Variants in CHCHD6 observed in about 807,000 individuals in gnomAD.
CHCHD6 encodes coiled-coil-helix-coiled-coil-helix domain containing 6, also known as MICOS complex subunit MIC25.
A neutral mutation model predicts 32.3 loss-of-function variants in CHCHD6; 28 were observed. That is an observed-to-expected ratio of 0.87 (90% CI 0.64 to 1.19). The LOEUF (loss-of-function observed/expected upper bound fraction) is 1.19. CHCHD6 is among the 50% of genes most tolerant of loss of function. The probability of loss-of-function intolerance (pLI) is 0.00; values close to 1 mark genes in which losing one functional copy is unlikely to be tolerated. For synonymous variants in CHCHD6, 122 were observed against 117.5 expected, an observed-to-expected ratio of 1.04 and a Z score of -0.25; for missense variants, 333 against 307.0, an observed-to-expected ratio of 1.08 and a Z score of -0.63.
At chr3:126,837,376 C>G (rs1940902796) in intron 4 of CHCHD6, among the ~76,000 whole-genome samples, 1 of 152,106 alleles carries the variant, frequency 6.6e-6, no homozygotes, top group Non-Finnish European at 1.5e-5. Flanking sequence ...CCAGCCTAGG[C>G]AACATAGTGA....
At chr3:126,819,127 A>G (rs1576454739) in intron 4 of CHCHD6, among the ~76,000 whole-genome samples, 2 of 152,180 alleles carry the variant, frequency 1.3e-5, no homozygotes, top group Admixed American at 1.3e-4. Context: ...AACTCCTGCC[A>G]CACTGCTTCA....
At chr3:126,960,162 G>T in intron 7 of CHCHD6, 34 bp from the exon 8 acceptor site, 2 of 1,551,336 alleles carry the variant, frequency 1.3e-6, no homozygotes, top group Admixed American at 2.0e-5. Context: ...GGCGGAGTGG[G>T]CCCTGACTCA....
At chr3:126,878,191 A>C (rs1312167580) in intron 5 of CHCHD6, among the ~76,000 whole-genome samples, 1 of 152,210 alleles carries the variant, frequency 6.6e-6, no homozygotes, top group Non-Finnish European at 1.5e-5. Context: ...GGTTTTAAAG[A>C]AGTCTATTTT....
chr3:126,845,992 G>C (rs938530945), intron 4 of CHCHD6, among the ~76,000 whole-genome samples: 8 of 152,168 alleles, frequency 5.3e-5, no homozygotes, highest in Non-Finnish European at 1.0e-4. Flanking sequence ...TAAGAAAAGT[G>C]AGCTTTGTGC....
intron 4 of CHCHD6, among the ~76,000 whole-genome samples, chr3:126,770,606 C>T (rs2107676631): frequency 6.6e-6 from 1 of 152,224 alleles, no homozygotes; most frequent in African/African-American, 2.4e-5. Flanking sequence ...GTTTTTAGTT[C>T]AGTGAATGGG....
chr3:126,707,479 A>T (rs1934545625), intron 1 of CHCHD6, among the ~76,000 whole-genome samples: 1 of 152,208 alleles, frequency 6.6e-6, no homozygotes, highest in African/African-American at 2.4e-5. Flanking sequence ...CTCATCCTTC[A>T]GTAAGAGAAG....
intron 4 of CHCHD6, among the ~76,000 whole-genome samples, chr3:126,765,227 C>G (rs554757329): frequency 4.6e-5 from 7 of 152,260 alleles, no homozygotes; most frequent in African/African-American, 1.7e-4. Flanking sequence ...CCATAAGCAC[C>G]ACTGAATTAA....
intron 1 of CHCHD6, among the ~76,000 whole-genome samples, chr3:126,724,550 G>A (rs1404254401): frequency 6.6e-6 from 1 of 152,166 alleles, no homozygotes; most frequent in Non-Finnish European, 1.5e-5. Flanking sequence ...GCTGCTGACT[G>A]ATCAGGATGG....
intron 6 of CHCHD6, among the ~76,000 whole-genome samples, chr3:126,931,007 G>C (rs79287428): frequency 1.3e-5 from 2 of 152,172 alleles, no homozygotes; most frequent in African/African-American, 4.8e-5. Context: ...TTCCCGTCCC[G>C]CTGCACTCCC....
At chr3:126,754,935 C>G (rs1048868467) in intron 4 of CHCHD6, among the ~76,000 whole-genome samples, 3 of 152,128 alleles carry the variant, frequency 2.0e-5, no homozygotes, top group African/African-American at 7.2e-5. Context: ...GTGGCTGCTG[C>G]CAGTCTCCTG....
intron 4 of CHCHD6, among the ~76,000 whole-genome samples, chr3:126,837,738 C>T (rs1359738695): frequency 6.6e-6 from 1 of 152,098 alleles, no homozygotes. Context: ...TTTGTCATGA[C>T]CAAGATTATG....
chr3:126,879,847 T>G (rs2107572327), intron 5 of CHCHD6, among the ~76,000 whole-genome samples: 1 of 152,360 alleles, frequency 6.6e-6, no homozygotes, highest in African/African-American at 2.4e-5. Flanking sequence ...TCGTAATGAC[T>G]GCCGTGATGA....
chr3:126,737,890 G>A (rs967345685), intron 4 of CHCHD6, among the ~76,000 whole-genome samples: 1 of 152,118 alleles, frequency 6.6e-6, no homozygotes, highest in African/African-American at 2.4e-5. Flanking sequence ...CTGAAAGTCT[G>A]ATGGGGAGCT....
chr3:126,952,748 G>A lies in CHCHD6; in HGVS notation c.567-4668G>A, dbSNP rs180789275. ...GATGAATGTGTTTTGGATGGAGTGC[G>A]GGGAATGGAGAAGGTCCAGGAGAGG... On this transcript the variant is annotated intron_variant, in intron 6 of 7. Transcript: ENST00000290913. 1.1e-4 allele frequency among the ~76,000 whole-genome samples: 17 copies of A among 152,316 alleles called. No individual in the cohort carries two copies. In the East Asian group the frequency reaches 1.7e-3, roughly 16 times the overall value.
Position 126,957,404 on chromosome 3 carries a change from T to C in CHCHD6, c.567-12T>C. On this transcript the variant is annotated splice_polypyrimidine_tract_variant and intron_variant, in intron 6 of 7. Coordinates refer to ENST00000290913, the MANE Select transcript of CHCHD6 (RefSeq NM_032343.3). Reference sequence around the variant, plus strand: ...CCTGAGCCCCAGGCCTGCCTGCTCTTGTCTTCTGCAGGCCCCGCAGGGTGG... The same window carrying C: ...CCTGAGCCCCAGGCCTGCCTGCTCTCGTCTTCTGCAGGCCCCGCAGGGTGG... 6.2e-7 allele frequency: 1 copy of C among 1,608,630 alleles called. No homozygotes were observed. Among genetic ancestry groups the C allele is most frequent in the Non-Finnish European group, 8.5e-7 (1 of 1,178,466 alleles).
At chr3:126,863,196 C>T (rs1316269549) in intron 5 of CHCHD6, among the ~76,000 whole-genome samples, 1 of 142,418 alleles carries the variant, frequency 7.0e-6, no homozygotes, top group African/African-American at 2.6e-5. Flanking sequence ...CCTCCACCAT[C>T]ACCACCTTCC....
intron 5 of CHCHD6, among the ~76,000 whole-genome samples, chr3:126,893,379 G>T (rs544417483): frequency 2.1e-3 from 317 of 152,302 alleles, no homozygotes; most frequent in Non-Finnish European, 2.8e-3. Flanking sequence ...GTGTCTCATA[G>T]CCCTGAGTGA....
intron 4 of CHCHD6, among the ~76,000 whole-genome samples, chr3:126,779,627 AAGAC>A (rs1199330130): frequency 6.6e-6 from 1 of 152,000 alleles, no homozygotes; most frequent in African/African-American, 2.4e-5. Context: ...TGTAAGGTGT[AAGAC>A]AGAGGTCTAA....
intron 4 of CHCHD6, among the ~76,000 whole-genome samples, chr3:126,790,074 C>G (rs1938447014): frequency 6.6e-6 from 1 of 151,918 alleles, no homozygotes; most frequent in African/African-American, 2.4e-5. Context: ...TATTTCTCTT[C>G]ACTTATGAAG....
Sources: allele counts gnomAD v4.1 joint callset (sites outside exome capture counted in the v4.1 genomes callset), GRCh38; gene constraint gnomAD v4.1.1; transcripts MANE v1.5; gene names NCBI Gene and HGNC (gene_info 2026-07-23, HGNC 2026-07-21).